Variants in NBAS observed in about 807,000 individuals in gnomAD.
NBAS encodes the protein NBAS subunit of NRZ tethering complex.
A neutral mutation model predicts 302.5 loss-of-function variants in NBAS; 219 were observed. That is an observed-to-expected ratio of 0.72 (90% CI 0.65 to 0.81). The LOEUF (loss-of-function observed/expected upper bound fraction) is 0.81. Ranked by LOEUF, NBAS falls within the 30% of genes least tolerant of loss-of-function variation. The pLI, the probability that NBAS is intolerant of heterozygous loss-of-function variation, is 0.00. For missense variants in NBAS, 2,932 were observed against 2,841.6 expected, an observed-to-expected ratio of 1.03 and a Z score of -0.72; for synonymous variants, 1,118 against 1,021.6, an observed-to-expected ratio of 1.09 and a Z score of -1.80.
chr2:15,419,525 T>C (rs1677109683), intron 23 of NBAS, among the ~76,000 whole-genome samples: 1 of 152,062 alleles, frequency 6.6e-6, no homozygotes, highest in Non-Finnish European at 1.5e-5. Context: ...TGGGCTCTAG[T>C]GATCTTCCCA....
At chr2:15,399,239 G>A (rs1049584648) in intron 26 of NBAS, among the ~76,000 whole-genome samples, 1 of 152,024 alleles carries the variant, frequency 6.6e-6, no homozygotes, top group African/African-American at 2.4e-5. Flanking sequence ...TTAGGAACAA[G>A]AAATGAGATA....
the NBAS span, among the ~76,000 whole-genome samples, chr2:15,060,574 G>A: frequency 2.6e-5 from 4 of 152,166 alleles, no homozygotes; most frequent in Non-Finnish European, 5.9e-5. Flanking sequence ...AGTGTTGGGG[G>A]TGGGTCCCAG....
At chr2:15,158,092 G>GC in the NBAS span, among the ~76,000 whole-genome samples, 1 of 152,168 alleles carries the variant, frequency 6.6e-6, no homozygotes, top group Non-Finnish European at 1.5e-5. Flanking sequence ...CCCGTGCACT[G>GC]ATTCCAATGA....
chr2:15,270,800 C>G (rs915495597), intron 44 of NBAS, among the ~76,000 whole-genome samples: 1 of 152,170 alleles, frequency 6.6e-6, no homozygotes. Context: ...ACATGTCTTT[C>G]ATAGCTTAAT....
At position 15,437,716 on chromosome 2, in the gene NBAS, T is replaced by G. The variant is rs577236774; in HGVS notation, c.2340-9922A>C. Among the ~76,000 whole-genome samples the G allele has an allele frequency of 1.0e-3, 153 of 152,336 alleles. 1 individual carries two copies. Among genetic ancestry groups the G allele is most frequent in the African/African-American group, 3.5e-3 (144 of 41,582 alleles). ...CTGTCAATATAGATTTTTAACTACA[T>G]AACATTCATTCATTCCACAAACCTT... is the stretch of plus-strand genomic sequence containing the variant. On this transcript the variant is annotated intron_variant, in intron 21 of 51. Coordinates refer to ENST00000281513, the MANE Select transcript of NBAS (RefSeq NM_015909.4).
At chr2:15,424,500 G>A in intron 22 of NBAS, 32 bp from the exon 23 acceptor site, 2 of 1,611,792 alleles carry the variant, frequency 1.2e-6, no homozygotes, top group East Asian at 2.2e-5. Flanking sequence ...ATTAATAACT[G>A]ACTAGAATGT....
intron 6 of NBAS, among the ~76,000 whole-genome samples, chr2:15,548,680 G>A (rs1489105946): frequency 1.3e-5 from 2 of 151,568 alleles, no homozygotes; most frequent in Admixed American, 6.6e-5. Flanking sequence ...AAAAAGGAAA[G>A]CAGGCTAAGT....
chr2:15,026,018 G>A, the NBAS span, among the ~76,000 whole-genome samples: 19 of 152,248 alleles, frequency 1.2e-4, 1 homozygote, highest in Admixed American at 7.9e-4. Flanking sequence ...GGAGTGTTGA[G>A]AGTAGACATC....
chr2:15,057,647 G>T, the NBAS span, among the ~76,000 whole-genome samples: 1 of 152,150 alleles, frequency 6.6e-6, no homozygotes, highest in South Asian at 2.1e-4. Flanking sequence ...TCATAGCTGA[G>T]CTCCCACATA....
Position 15,467,414 on chromosome 2 carries a change from T to C in NBAS, c.2019-7A>G. ...CTTTTGTTCCAGTGTCAACCTGTTT[T>C]GAATAACTATGTTAGGCCACTTATA... is the stretch of plus-strand genomic sequence containing the variant. On this transcript the variant is annotated splice_region_variant and splice_polypyrimidine_tract_variant and intron_variant, in intron 18 of 51. Coordinates refer to ENST00000281513, the MANE Select transcript of NBAS (RefSeq NM_015909.4). The C allele has an allele frequency of 6.2e-7, 1 of 1,605,410 alleles. No homozygotes were observed. The highest frequency in any genetic ancestry group is 1.3e-5 in the African/African-American group (1 of 74,828).
chr2:15,144,703 G>C, the NBAS span, among the ~76,000 whole-genome samples: 1 of 152,180 alleles, frequency 6.6e-6, no homozygotes, highest in Admixed American at 6.5e-5. Flanking sequence ...GAATAGAGGA[G>C]AAAGTGCATG....
At chr2:15,160,596 G>C in the NBAS span, among the ~76,000 whole-genome samples, 4 of 132,306 alleles carry the variant, frequency 3.0e-5, no homozygotes, top group East Asian at 8.0e-4. Flanking sequence ...GGGGGGAGGG[G>C]GGGGGGCAGG....
the NBAS span, among the ~76,000 whole-genome samples, chr2:14,831,037 C>T: frequency 1.3e-5 from 2 of 152,154 alleles, no homozygotes; most frequent in South Asian, 2.1e-4. Context: ...TGGAAGCCAC[C>T]ATGTGAAGAC....
chr2:14,923,772 C>A, the NBAS span, among the ~76,000 whole-genome samples: 1 of 152,112 alleles, frequency 6.6e-6, no homozygotes, highest in African/African-American at 2.4e-5. Context: ...GTACCCCCAC[C>A]CACTGTGGAC....
chr2:14,923,878 C>T, the NBAS span, among the ~76,000 whole-genome samples: 1 of 152,102 alleles, frequency 6.6e-6, no homozygotes, highest in Non-Finnish European at 1.5e-5. Flanking sequence ...TTCCCTGAAG[C>T]TGTATGGAGA....
chr2:14,965,354 T>C, the NBAS span, among the ~76,000 whole-genome samples: 18 of 152,128 alleles, frequency 1.2e-4, no homozygotes, highest in Non-Finnish European at 2.2e-4. Context: ...TTATTATAGA[T>C]TCTACAGATA....
the NBAS span, among the ~76,000 whole-genome samples, chr2:14,826,833 G>T: frequency 6.6e-6 from 1 of 152,218 alleles, no homozygotes; most frequent in Non-Finnish European, 1.5e-5. Flanking sequence ...GCGCTAGGAA[G>T]AAGTTTGGTC....
intron 50 of NBAS, among the ~76,000 whole-genome samples, chr2:15,185,188 A>G (rs2125129605): frequency 6.6e-6 from 1 of 152,202 alleles, no homozygotes; most frequent in East Asian, 1.9e-4. Flanking sequence ...ATTGACCTCA[A>G]ACCCTCCAAT....
At chr2:15,174,406 A>G (rs1472327167) in intron 51 of NBAS, among the ~76,000 whole-genome samples, 1 of 152,158 alleles carries the variant, frequency 6.6e-6, no homozygotes, top group African/African-American at 2.4e-5. Context: ...ATCTGAGAAA[A>G]TCCCCAGGGC....
Sources: gnomAD v4.1 joint callset for allele counts (sites outside exome capture counted in the v4.1 genomes callset) on GRCh38, gnomAD v4.1.1 for gene constraint, MANE v1.5 for transcripts, NCBI Gene and HGNC (gene_info 2026-07-23, HGNC 2026-07-21) for gene names.